Variants in GRIK4 observed in about 807,000 individuals in gnomAD.
The protein encoded by GRIK4 is glutamate ionotropic receptor kainate type subunit 4, also known as glutamate receptor ionotropic, kainate 4.
A neutral mutation model predicts 104.9 loss-of-function variants in GRIK4; 40 were observed. That is an observed-to-expected ratio of 0.38 (90% confidence interval 0.30 to 0.50). The LOEUF (loss-of-function observed/expected upper bound fraction) is 0.50, where lower values mean the gene tolerates loss of function less well. Ranked by LOEUF, GRIK4 falls within the 20% of genes least tolerant of loss-of-function variation. The probability of loss-of-function intolerance (pLI) is 0.93; values close to 1 mark genes in which losing one functional copy is unlikely to be tolerated. For missense variants in GRIK4, 1,047 were observed against 1,308.1 expected (o/e 0.80, Z 3.08); for synonymous variants, 485 against 524.9 (o/e 0.92, Z 1.04).
chr11:120,802,435 C>A (rs1232091009), intron 3 of GRIK4, among the ~76,000 whole-genome samples: 1 of 152,230 alleles, frequency 6.6e-6, no homozygotes. Flanking sequence ...GACAGGACCC[C>A]TAGTGGCCTG....
chr11:120,632,374 G>A (rs11217933), intron 1 of GRIK4, among the ~76,000 whole-genome samples: 55,947 of 151,848 alleles, frequency 0.37, 10,645 homozygotes, highest in Admixed American at 0.45. Flanking sequence ...AGATTTATAA[G>A]GCTGAATTGA....
intron 11 of GRIK4, among the ~76,000 whole-genome samples, chr11:120,883,135 A>G (rs911410133): frequency 1.3e-5 from 2 of 152,138 alleles, no homozygotes; most frequent in Admixed American, 6.5e-5. Context: ...TGGAGAGCGA[A>G]TACGGAGCGA....
At chr11:120,965,075 G>A (rs1294318278) in intron 18 of GRIK4, among the ~76,000 whole-genome samples, 1 of 152,196 alleles carries the variant, frequency 6.6e-6, no homozygotes, top group African/African-American at 2.4e-5. Flanking sequence ...ATGCCCAGGA[G>A]ATACAAGCAT....
intron 3 of GRIK4, among the ~76,000 whole-genome samples, chr11:120,756,581 T>C (rs779388574): frequency 6.6e-6 from 1 of 152,236 alleles, no homozygotes; most frequent in Non-Finnish European, 1.5e-5. Flanking sequence ...TTTCTCTTCC[T>C]GTCAACTCTT....
At chr11:120,562,822 C>T (rs1462516519) in intron 1 of GRIK4, among the ~76,000 whole-genome samples, 2 of 152,188 alleles carry the variant, frequency 1.3e-5, no homozygotes, top group Admixed American at 6.5e-5. Flanking sequence ...GAAGGTAGAA[C>T]CCACAGGACT....
intron 3 of GRIK4, among the ~76,000 whole-genome samples, chr11:120,722,275 C>A (rs922331297): frequency 6.6e-6 from 1 of 152,156 alleles, no homozygotes; most frequent in African/African-American, 2.4e-5. Context: ...CTACTACTTC[C>A]GCCATGATGG....
chr11:120,650,773 G>A (rs146163119), intron 1 of GRIK4, among the ~76,000 whole-genome samples: 51 of 152,304 alleles, frequency 3.3e-4, no homozygotes, highest in African/African-American at 1.1e-3. Flanking sequence ...AGTGGCATTC[G>A]GTATGTGTAC....
At chr11:120,680,860 C>G (rs10790397) in intron 3 of GRIK4, among the ~76,000 whole-genome samples, 3 of 151,734 alleles carry the variant, frequency 2.0e-5, no homozygotes, top group South Asian at 2.1e-4. Flanking sequence ...GGGTCTCTCT[C>G]CAAGGACCCT....
intron 8 of GRIK4, among the ~76,000 whole-genome samples, chr11:120,844,629 C>G (rs1420316532): frequency 1.3e-5 from 2 of 152,170 alleles, no homozygotes; most frequent in Admixed American, 1.3e-4. Context: ...ACAAAGGAAC[C>G]TATCTGCGTT....
chr11:120,898,648 G>T lies in GRIK4; in HGVS notation c.1272+9G>T. On this transcript the variant is annotated intron_variant, in intron 12 of 20. Coordinates refer to ENST00000527524, the MANE Select transcript of GRIK4 (RefSeq NM_014619.5). ...TCGTCACCACCATCCTGGTAAGTGG[G>T]CTCTCCTAGGCTCCCAGCTGCAGCA... 6.8e-7 allele frequency: 1 copy of T among 1,460,960 alleles called. No individual in the cohort carries two copies. The highest frequency in any genetic ancestry group is 1.1e-5 in the South Asian group (1 of 88,004). 90.5% of individuals were successfully genotyped at this position (1,460,960 alleles called of 1,614,324 possible).
In GRIK4 at chr11:120,524,317, G is replaced by A. The variant is rs1034842577; in HGVS notation, c.-159+12430G>A. 2.6e-5 allele frequency among the ~76,000 whole-genome samples: 4 copies of A among 152,186 alleles called. No homozygotes were observed. Among genetic ancestry groups the A allele is most frequent in the Admixed American group, 1.3e-4 (2 of 15,284 alleles). ...GGCTGCTTTGGTGAGCCGCTTGTCT[G>A]CAGAGGCCCTGGACTCTGGAGCCCT... is the stretch of plus-strand genomic sequence containing the variant. On this transcript the variant is annotated intron_variant, in intron 1 of 20. Coordinates refer to ENST00000527524, the MANE Select transcript of GRIK4 (RefSeq NM_014619.5). This position sits in a 1 kb window ranked among gnomAD's most constrained non-coding sequence, Gnocchi z 4.5.
At chr11:120,574,796 CT>C (rs1948456760) in intron 1 of GRIK4, among the ~76,000 whole-genome samples, 1 of 152,152 alleles carries the variant, frequency 6.6e-6, no homozygotes, top group Admixed American at 6.5e-5. Context: ...AGGCGCTTTC[CT>C]CTGTGTCTCC....
At chr11:120,589,086 T>A (rs1948704866) in intron 1 of GRIK4, among the ~76,000 whole-genome samples, 1 of 152,168 alleles carries the variant, frequency 6.6e-6, no homozygotes, top group Non-Finnish European at 1.5e-5. Context: ...CCTTCTCTGC[T>A]AAGGGTTGGA....
At chr11:120,852,383 C>G (rs1953994198) in intron 8 of GRIK4, among the ~76,000 whole-genome samples, 1 of 152,144 alleles carries the variant, frequency 6.6e-6, no homozygotes, top group African/African-American at 2.4e-5. Flanking sequence ...TGAGCACTTG[C>G]TAAGCGCAAG....
At chr11:120,681,641 TGAGAACA>T (rs1228353354) in intron 3 of GRIK4, among the ~76,000 whole-genome samples, 20 of 152,290 alleles carry the variant, frequency 1.3e-4, no homozygotes, top group African/African-American at 4.8e-4. Flanking sequence ...GGGAGCGTAA[TGAGAACA>T]GAGAACAGCG....
intron 1 of GRIK4, among the ~76,000 whole-genome samples, chr11:120,550,848 C>T (rs939665420): frequency 5.9e-5 from 9 of 152,088 alleles, no homozygotes; most frequent in African/African-American, 2.2e-4. Context: ...GGGCACAAAC[C>T]GTTCTTTGAG....
In GRIK4 at chr11:120,737,262, G is replaced by A. The variant is rs192842297; in HGVS notation, c.83-65431G>A. ...TTGAATAACCAAATAATAAATGAGG[G>A]GCAGCATCTCTGCATAAAATTATTC... On this transcript the variant is annotated intron_variant, in intron 3 of 20. Coordinates refer to ENST00000527524, the MANE Select transcript of GRIK4 (RefSeq NM_014619.5). Among the ~76,000 whole-genome samples, 154 of 152,160 alleles carry A rather than the reference G, an allele frequency of 1.0e-3. 1 individual carries two copies. The highest frequency in any genetic ancestry group is 3.5e-3 in the African/African-American group (144 of 41,496).
intron 19 of GRIK4, among the ~76,000 whole-genome samples, chr11:120,980,596 A>G (rs1227931552): frequency 6.6e-6 from 1 of 152,230 alleles, no homozygotes; most frequent in African/African-American, 2.4e-5. Flanking sequence ...GCCTCCAAAT[A>G]TAGGTGTTTT....
rs892997127 is a variant in GRIK4, at chr11:120,784,887, G to A, written c.83-17806G>A. 8.5e-5 allele frequency among the ~76,000 whole-genome samples: 13 copies of A among 152,184 alleles called. No homozygotes were observed. In the East Asian group the frequency reaches 9.6e-4, roughly 11 times the overall value. The stretch of plus-strand genomic sequence containing the variant: ...TGTCTTCATGTCTTGTGTTCTCAAC[G>A]GCATCTACCCCACTGGTGCCTGGCG... On this transcript the variant is annotated intron_variant, in intron 3 of 20. Coordinates refer to ENST00000527524, the MANE Select transcript of GRIK4 (RefSeq NM_014619.5).
Sources: allele counts gnomAD v4.1 joint callset (sites outside exome capture counted in the v4.1 genomes callset), GRCh38; gene constraint gnomAD v4.1.1; non-coding constraint Gnocchi (gnomAD v3.1); transcripts MANE v1.5; gene names NCBI Gene and HGNC (gene_info 2026-07-23, HGNC 2026-07-21).